CTNND2: variants seen among roughly 807,000 people sequenced by gnomAD.
CTNND2 encodes the protein catenin delta-2.
CTNND2 carries 22 observed loss-of-function variants against 144.4 expected under a neutral mutation model. That is an observed-to-expected ratio of 0.15 (90% confidence interval 0.11 to 0.22). CTNND2 has a LOEUF of 0.22. Among genes scored for constraint, CTNND2 ranks in the 10% least tolerant of loss-of-function variants. The pLI is 1.00. For missense variants in CTNND2, 1,353 were observed against 1,618.8 expected (o/e 0.84, Z 2.82); for synonymous variants, 751 against 695.6 (o/e 1.08, Z -1.25).
At chr5:11,269,568 G>T (rs1009560128) in intron 9 of CTNND2, among the ~76,000 whole-genome samples, 1 of 152,298 alleles carries the variant, frequency 6.6e-6, no homozygotes, top group Non-Finnish European at 1.5e-5. Flanking sequence ...CTGTAATGGG[G>T]TTGAATGAAC....
rs564608422 is a variant in CTNND2, at chr5:11,380,275, T to C, written c.1177+4390A>G. ...GACACTGACATGTTCTGGGATTCAA[T>C]AAACCTGCTGTGTCTGAAGCAAAGA... On this transcript the variant is annotated intron_variant, in intron 7 of 21. Transcript: ENST00000304623. 2.6e-5 allele frequency among the ~76,000 whole-genome samples: 4 copies of C among 152,328 alleles called. No individual in the cohort carries two copies. In the South Asian group the frequency reaches 8.3e-4, roughly 32 times the overall value.
At chr5:11,747,734 AC>A (rs1407436144) in intron 1 of CTNND2, among the ~76,000 whole-genome samples, 1 of 152,088 alleles carries the variant, frequency 6.6e-6, no homozygotes, top group Non-Finnish European at 1.5e-5. Context: ...AAAACAAAAA[AC>A]GTGCTTAAGC....
chr5:11,177,628 T>C (rs973490928), intron 11 of CTNND2, among the ~76,000 whole-genome samples: 15 of 152,146 alleles, frequency 9.9e-5, no homozygotes, highest in African/African-American at 3.6e-4. Context: ...AAGTGAAATT[T>C]TGAGGAACTT....
At chr5:11,071,750 T>A (rs1748339363) in intron 16 of CTNND2, among the ~76,000 whole-genome samples, 1 of 151,984 alleles carries the variant, frequency 6.6e-6, no homozygotes, top group African/African-American at 2.4e-5. Context: ...TGCGCGTGTG[T>A]CCTGGGCTTG....
At chr5:11,052,784 T>C (rs1378709170) in intron 16 of CTNND2, among the ~76,000 whole-genome samples, 3 of 152,050 alleles carry the variant, frequency 2.0e-5, no homozygotes, top group African/African-American at 7.2e-5. Context: ...ACTTTTTCAC[T>C]AGAAACTCAA....
intron 9 of CTNND2, among the ~76,000 whole-genome samples, chr5:11,242,416 C>A (rs1227470747): frequency 6.6e-6 from 1 of 152,182 alleles, no homozygotes; most frequent in Non-Finnish European, 1.5e-5. Flanking sequence ...TATAATCATT[C>A]TCTTGAAATA....
At chr5:11,022,649 G>T in intron 17 of CTNND2, 120 bp downstream of exon 17, 1 of 763,930 alleles carries the variant, frequency 1.3e-6, no homozygotes, top group Non-Finnish European at 2.2e-6. Flanking sequence ...TCCTTCTCTT[G>T]ATTCTCAGAG....
chr5:11,795,924 G>A (rs1319658095), intron 1 of CTNND2, among the ~76,000 whole-genome samples: 3 of 152,196 alleles, frequency 2.0e-5, no homozygotes, highest in African/African-American at 7.2e-5. Context: ...GCCATTAGCA[G>A]GTCTGTATTC....
intron 3 of CTNND2, among the ~76,000 whole-genome samples, chr5:11,556,981 ACTTCT>A (rs983555512): frequency 6.6e-6 from 1 of 152,120 alleles, no homozygotes; most frequent in African/African-American, 2.4e-5. Flanking sequence ...AAATTCTACC[ACTTCT>A]CAGAATCAAA....
intron 3 of CTNND2, among the ~76,000 whole-genome samples, chr5:11,555,105 GTTCA>G (rs1209457022): frequency 6.6e-6 from 1 of 152,080 alleles, no homozygotes; most frequent in Non-Finnish European, 1.5e-5. Context: ...TCATTCGTCT[GTTCA>G]TTCATTTATT....
At chr5:11,841,247 T>A (rs900802784) in intron 1 of CTNND2, among the ~76,000 whole-genome samples, 2 of 152,200 alleles carry the variant, frequency 1.3e-5, no homozygotes, top group Admixed American at 1.3e-4. Flanking sequence ...GCCAGCCCCT[T>A]GTTGAATTTC....
At chr5:11,292,459 G>T (rs1441670026) in intron 9 of CTNND2, among the ~76,000 whole-genome samples, 1 of 137,442 alleles carries the variant, frequency 7.3e-6, no homozygotes, top group East Asian at 2.0e-4. Context: ...TAATCCCCAT[G>T]TGTGGAGGGC....
chr5:11,110,833 T>TGCAGC, intron 14 of CTNND2, 25 bp downstream of exon 14: 1 of 1,601,378 alleles, frequency 6.2e-7, no homozygotes, highest in Non-Finnish European at 8.5e-7. Context: ...GATAATTGCA[T>TGCAGC]GCAGCTGCAA....
At chr5:11,628,894 T>C (rs1781284049) in intron 2 of CTNND2, among the ~76,000 whole-genome samples, 1 of 152,190 alleles carries the variant, frequency 6.6e-6, no homozygotes, top group African/African-American at 2.4e-5. Flanking sequence ...TTTGCATGCC[T>C]CTTGGTGATG....
chr5:11,416,398 T>A (rs1301492445), intron 3 of CTNND2, among the ~76,000 whole-genome samples: 1 of 152,224 alleles, frequency 6.6e-6, no homozygotes, highest in Non-Finnish European at 1.5e-5. Context: ...ATCACTTCAA[T>A]GGTTTCCCTG....
chr5:11,056,826 C>T lies in CTNND2; in HGVS notation c.2788+25870G>A, dbSNP rs559250498. Among the ~76,000 whole-genome samples the T allele has an allele frequency of 4.7e-4, 72 of 152,334 alleles. 1 individual carries two copies. The Middle Eastern group carries it at 0.01, about 22-fold the overall frequency. On this transcript the variant is annotated intron_variant, in intron 16 of 21. Coordinates refer to ENST00000304623, the MANE Select transcript of CTNND2 (RefSeq NM_001332.4). ...GCAATGCAGATATGTGATGCTCAGC[C>T]TGGGCTGTGTATCAGAATCCCCTGG...
chr5:10,984,460 C>T (rs940516956), intron 20 of CTNND2, among the ~76,000 whole-genome samples: 14 of 151,450 alleles, frequency 9.2e-5, no homozygotes, highest in African/African-American at 3.4e-4. Context: ...CAGTCTTGGC[C>T]TCCCTCCCTG....
chr5:11,200,097 G>A (rs1039958546), intron 10 of CTNND2, among the ~76,000 whole-genome samples: 1 of 152,144 alleles, frequency 6.6e-6, no homozygotes, highest in African/African-American at 2.4e-5. Flanking sequence ...ATAGGGATAT[G>A]CTCTAAACAT....
At chr5:11,082,260 A>C (rs1749650074) in intron 16 of CTNND2, among the ~76,000 whole-genome samples, 1 of 152,242 alleles carries the variant, frequency 6.6e-6, no homozygotes, top group Admixed American at 6.5e-5. Flanking sequence ...TATTTCTTGA[A>C]TACCAAATTA....
Sources: allele counts gnomAD v4.1 joint callset (sites outside exome capture counted in the v4.1 genomes callset), GRCh38; gene constraint gnomAD v4.1.1; transcripts MANE v1.5; gene names NCBI Gene and HGNC (gene_info 2026-07-23, HGNC 2026-07-21).